The following LRRC7 variants were observed in gnomAD, a reference collection of about 807,000 sequenced individuals.
LRRC7 encodes leucine rich repeat containing 7.
In LRRC7, 23 loss-of-function variants were observed where a neutral mutation model predicts 175.7. The ratio of observed to expected loss-of-function variants is 0.13; its 90% CI spans 0.09 to 0.19. The LOEUF is 0.19. Among genes scored for constraint, LRRC7 ranks in the 10% least tolerant of loss-of-function variants. The probability of loss-of-function intolerance (pLI) is 1.00; values close to 1 mark genes in which losing one functional copy is unlikely to be tolerated. For missense variants in LRRC7, 1,354 were observed against 1,904.7 expected (o/e 0.71, Z 5.38); for synonymous variants, 685 against 680.9 (o/e 1.01, Z -0.09).
chr1:69,772,229 C>T lies in LRRC7; in HGVS notation c.303+11836C>T, dbSNP rs114328613. ...GTGCAGTAAATGCCTAAAAAATGATCTTTTGTGTTGAGTTCTGAATGACAG... is the reference window on the plus strand; with the variant it reads ...GTGCAGTAAATGCCTAAAAAATGATTTTTTGTGTTGAGTTCTGAATGACAG... On this transcript the variant is annotated intron_variant, in intron 3 of 26. Coordinates refer to ENST00000651989, the MANE Select transcript of LRRC7 (RefSeq NM_001370785.2). Among the ~76,000 whole-genome samples the T allele has an allele frequency of 8.2e-3, 1,254 of 152,132 alleles. 17 individuals are homozygous for T. The highest frequency in any genetic ancestry group is 0.028 in the African/African-American group (1,173 of 41,522).
At chr1:70,105,171 A>G (rs1417605105) in intron 25 of LRRC7, among the ~76,000 whole-genome samples, 2 of 152,158 alleles carry the variant, frequency 1.3e-5, no homozygotes, top group East Asian at 3.9e-4. Context: ...TGTTGTCACA[A>G]CTAGTGCCAT....
chr1:70,015,324 A>G (rs1392452900), intron 13 of LRRC7, among the ~76,000 whole-genome samples: 1 of 152,020 alleles, frequency 6.6e-6, no homozygotes, highest in African/African-American at 2.4e-5. Context: ...CATATTTATT[A>G]GATTTTAAGA....
At chr1:70,083,341 GTC>G (rs1663365724) in intron 24 of LRRC7, among the ~76,000 whole-genome samples, 2 of 152,084 alleles carry the variant, frequency 1.3e-5, no homozygotes, top group Admixed American at 1.3e-4. Context: ...CATAATGTAA[GTC>G]AAAATGAAAA....
rs1177407916 is a variant in LRRC7, at chr1:70,136,705, A to G, written c.*14818A>G. Among the ~76,000 whole-genome samples the G allele has an allele frequency of 1.9e-5, 2 of 107,356 alleles. No individual in the cohort carries two copies. Among genetic ancestry groups the G allele is most frequent in the African/African-American group, 6.9e-5 (2 of 28,794 alleles). 70.4% of individuals were successfully genotyped at this position (107,356 alleles called of 152,430 possible). A position where few individuals can be genotyped will look rare whatever the true frequency, so the allele number is the denominator to read the frequency against. The stretch of plus-strand genomic sequence containing the variant: ...ATGGCAAATGCTTTCTTTCTGCTTT[A>G]TTGCTTTTTTAATGCCTTTTTTTTT... On this transcript the variant is annotated 3_prime_UTR_variant, in exon 27 of 27. Transcript: ENST00000651989.
chr1:70,121,702 G>C, intron 26 of LRRC7, 78 bp from the exon 27 acceptor site: 3 of 945,576 alleles, frequency 3.2e-6, no homozygotes, highest in East Asian at 2.6e-5. Flanking sequence ...CAGTGCTCCC[G>C]TGAATTTTAT....
chr1:69,957,403 G>A (rs534091725), intron 8 of LRRC7, among the ~76,000 whole-genome samples: 2 of 151,752 alleles, frequency 1.3e-5, no homozygotes, highest in Non-Finnish European at 2.9e-5. Flanking sequence ...CTACCTTAAC[G>A]TTTACTGACT....
intron 23 of LRRC7, among the ~76,000 whole-genome samples, chr1:70,072,010 A>G (rs1662426785): frequency 6.6e-6 from 1 of 152,188 alleles, no homozygotes; most frequent in South Asian, 2.1e-4. Flanking sequence ...CTATCAAATC[A>G]ACAATTCTTT....
intron 2 of LRRC7, among the ~76,000 whole-genome samples, chr1:69,698,593 C>T (rs1186896485): frequency 6.6e-6 from 1 of 152,228 alleles, no homozygotes; most frequent in East Asian, 1.9e-4. Context: ...CCCTTCCTCA[C>T]CCCTGCAACC....
chr1:69,808,347 G>A (rs370679875), intron 4 of LRRC7, among the ~76,000 whole-genome samples: 114 of 151,966 alleles, frequency 7.5e-4, no homozygotes, highest in Middle Eastern at 3.4e-3. Context: ...ATATTAGACA[G>A]ATGAACAAGA....
At chr1:69,670,219 T>G (rs539497570) in intron 1 of LRRC7, among the ~76,000 whole-genome samples, 37 of 152,298 alleles carry the variant, frequency 2.4e-4, no homozygotes, top group Admixed American at 2.3e-3. Context: ...TGCCCATCCT[T>G]CCTGGGAAGG....
chr1:69,876,358 C>T (rs1048775534), intron 7 of LRRC7, among the ~76,000 whole-genome samples: 1 of 152,102 alleles, frequency 6.6e-6, no homozygotes, highest in Non-Finnish European at 1.5e-5. Context: ...TAGGCATAGT[C>T]AGTTTTATTT....
intron 2 of LRRC7, among the ~76,000 whole-genome samples, chr1:69,739,841 A>G (rs2100850525): frequency 6.6e-6 from 1 of 152,240 alleles, no homozygotes; most frequent in South Asian, 2.1e-4. Flanking sequence ...ATCACCAGAG[A>G]AGAAACTGGC....
At chr1:69,952,764 A>G (rs1650069017) in intron 8 of LRRC7, among the ~76,000 whole-genome samples, 1 of 152,042 alleles carries the variant, frequency 6.6e-6, no homozygotes, top group South Asian at 2.1e-4. Flanking sequence ...GTTAACAGTG[A>G]CAATCTTCTA....
At chr1:69,965,964 G>T (rs960854336) in intron 8 of LRRC7, among the ~76,000 whole-genome samples, 6 of 152,062 alleles carry the variant, frequency 3.9e-5, no homozygotes, top group African/African-American at 1.2e-4. Context: ...TTAAATAAAA[G>T]ATTTAAATAA....
Position 69,740,507 on chromosome 1 carries a change from G to GA in LRRC7, c.101-19682dup, listed in dbSNP as rs1237705520. Among the ~76,000 whole-genome samples, 7 of 152,172 alleles carry GA rather than the reference G, an allele frequency of 4.6e-5. No homozygotes were observed. The East Asian group carries it at 1.4e-3, about 29-fold the overall frequency. On this transcript the variant is annotated intron_variant, in intron 2 of 26. Transcript: ENST00000651989. The stretch of plus-strand genomic sequence containing the variant: ...TGATTAGCAAATTGGGCAGCCCCCA[G>GA]AATCCCAGCAGATTCAGGGGGACTC...
At chr1:69,607,420 C>G (rs1163576480) in intron 1 of LRRC7, 2 of 151,562 alleles carry the variant, frequency 1.3e-5, no homozygotes, top group Admixed American at 1.3e-4. Flanking sequence ...AATGACAGGC[C>G]CCTCCCAATA....
intron 7 of LRRC7, among the ~76,000 whole-genome samples, chr1:69,904,608 T>C (rs1334336929): frequency 6.6e-6 from 1 of 152,216 alleles, no homozygotes; most frequent in Non-Finnish European, 1.5e-5. Context: ...TATTGCTATA[T>C]ATTTTCTATT....
At chr1:70,033,808 G>A (rs1659022351) in intron 18 of LRRC7, among the ~76,000 whole-genome samples, 1 of 151,844 alleles carries the variant, frequency 6.6e-6, no homozygotes, top group African/African-American at 2.4e-5. Context: ...TTAACATTCT[G>A]TACTTGTACA....
chr1:69,981,385 A>C (rs1653412252), intron 9 of LRRC7, among the ~76,000 whole-genome samples: 1 of 152,226 alleles, frequency 6.6e-6, no homozygotes, highest in African/African-American at 2.4e-5. Context: ...ATAAGACCAC[A>C]TAAAGGAGAA....
Sources: gnomAD v4.1 joint callset for allele counts (sites outside exome capture counted in the v4.1 genomes callset) on GRCh38, gnomAD v4.1.1 for gene constraint, MANE v1.5 for transcripts, NCBI Gene and HGNC (gene_info 2026-07-23, HGNC 2026-07-21) for gene names.